Variants in PPFIBP1 observed in about 807,000 individuals in gnomAD.
The protein encoded by PPFIBP1 is PPFIB scaffold protein 1, also known as liprin-beta-1.
A neutral mutation model predicts 137.8 loss-of-function variants in PPFIBP1; 112 were observed. The ratio of observed to expected loss-of-function variants is 0.81; its 90% CI spans 0.70 to 0.95. PPFIBP1 has a LOEUF of 0.95. Among genes scored for constraint, PPFIBP1 ranks in the 40% least tolerant of loss-of-function variants. The probability of loss-of-function intolerance (pLI) is 0.00; values close to 1 mark genes in which losing one functional copy is unlikely to be tolerated. For synonymous variants in PPFIBP1, 378 were observed against 417.3 expected, an observed-to-expected ratio of 0.91 and a Z score of 1.15; for missense variants, 1,083 against 1,196.6, an observed-to-expected ratio of 0.91 and a Z score of 1.40.
chr12:27,616,438 GGACCGTGGAGCA>G (rs749476750), intron 2 of PPFIBP1, among the ~76,000 whole-genome samples: 106 of 152,046 alleles, frequency 7.0e-4, no homozygotes, highest in Non-Finnish European at 1.4e-3. Context: ...AGATTGGAGG[GGACCGTGGAGCA>G]GACTGTGTGA....
chr12:27,606,716 A>G (rs2054564928), intron 2 of PPFIBP1, among the ~76,000 whole-genome samples: 1 of 152,236 alleles, frequency 6.6e-6, no homozygotes, highest in African/African-American at 2.4e-5. Flanking sequence ...ATTATCCCAC[A>G]ATATTCATAG....
At chr12:27,642,375 G>A (rs80070845) in intron 4 of PPFIBP1, among the ~76,000 whole-genome samples, 1 of 152,180 alleles carries the variant, frequency 6.6e-6, no homozygotes, top group South Asian at 2.1e-4. Flanking sequence ...AAGTGATTTA[G>A]GCTTCTCTAA....
At chr12:27,689,352 T>C (rs1385235749) in intron 27 of PPFIBP1, 149 bp downstream of exon 27, 25 of 646,948 alleles carry the variant, frequency 3.9e-5, no homozygotes, top group Non-Finnish European at 3.4e-5. Flanking sequence ...CTTAGTTGTC[T>C]TGGGAGAAAG....
intron 1 of PPFIBP1, among the ~76,000 whole-genome samples, chr12:27,561,998 C>T (rs928067545): frequency 1.3e-4 from 20 of 152,004 alleles, no homozygotes; most frequent in Non-Finnish European, 1.3e-4. Context: ...TGCAGTGAGC[C>T]GTGATTGCCA....
At chr12:27,692,706 A>G (rs1186812467) in intron 29 of PPFIBP1, 50 bp downstream of exon 29, 1 of 1,613,884 alleles carries the variant, frequency 6.2e-7, no homozygotes, top group Non-Finnish European at 8.5e-7. Flanking sequence ...TGTCTTTTAT[A>G]ACAACCCCAA....
At chr12:27,682,824 G>A (rs534074570) in intron 24 of PPFIBP1, 121 bp downstream of exon 24, 4 of 1,492,164 alleles carry the variant, frequency 2.7e-6, no homozygotes, top group Non-Finnish European at 1.8e-6. Flanking sequence ...GCTGTTGCTT[G>A]AACTTGAGGA....
chr12:27,581,263 C>G (rs1270369042), intron 2 of PPFIBP1, among the ~76,000 whole-genome samples: 1 of 152,174 alleles, frequency 6.6e-6, no homozygotes, highest in Admixed American at 6.5e-5. Context: ...AGAGTGTAAG[C>G]AACACCCTAG....
intron 2 of PPFIBP1, among the ~76,000 whole-genome samples, chr12:27,601,443 G>C (rs946115983): frequency 4.6e-5 from 7 of 152,146 alleles, no homozygotes; most frequent in Admixed American, 2.0e-4. Context: ...TAAAGTGGGG[G>C]GCAGGTGGTG....
At chr12:27,660,669 C>A (rs888000130) in intron 10 of PPFIBP1, among the ~76,000 whole-genome samples, 1 of 152,186 alleles carries the variant, frequency 6.6e-6, no homozygotes, top group African/African-American at 2.4e-5. Flanking sequence ...TGTTTTCTTT[C>A]TAGAGTGGCA....
chr12:27,676,315 A>G (rs2060507821), intron 17 of PPFIBP1, 113 bp from the exon 18 acceptor site: 1 of 797,344 alleles, frequency 1.3e-6, no homozygotes, highest in African/African-American at 1.8e-5. Context: ...TAGTTCAGTT[A>G]TTCTTTTGAA....
chr12:27,616,183 T>C (rs1185942449), intron 2 of PPFIBP1, among the ~76,000 whole-genome samples: 1 of 152,038 alleles, frequency 6.6e-6, no homozygotes, highest in Non-Finnish European at 1.5e-5. Context: ...GCATAATACA[T>C]AGGGCATGAG....
At chr12:27,677,531 C>T (rs2060599160) in intron 19 of PPFIBP1, 1 of 176,794 alleles carries the variant, frequency 5.7e-6, no homozygotes, top group Non-Finnish European at 1.2e-5. Flanking sequence ...TTATAGAAGA[C>T]ATTGAATATT....
At position 27,524,269 on chromosome 12, in the gene PPFIBP1, C is replaced by A. The variant is rs1310711017; in HGVS notation, c.-220C>A. The A allele has an allele frequency of 6.5e-6, 1 of 153,744 alleles. No individual in the cohort carries two copies. The highest frequency in any genetic ancestry group is 6.5e-5 in the Admixed American group (1 of 15,300). The allele number at this position is 153,744 out of a possible 1,614,324, so 9.5% of individuals were successfully genotyped here. ...AGGACGGGGAAGGACTCGTGTGCTG[C>A]GAGCTGGCGGCCGGGCCGGAGTGCT... On this transcript the variant is annotated 5_prime_UTR_variant, in exon 1 of 30. Coordinates refer to ENST00000228425, the MANE Select transcript of PPFIBP1 (RefSeq NM_003622.4).
At chr12:27,529,451 T>C (rs1944155199) in intron 1 of PPFIBP1, among the ~76,000 whole-genome samples, 4 of 152,140 alleles carry the variant, frequency 2.6e-5, no homozygotes, top group African/African-American at 9.7e-5. Flanking sequence ...CCCAGCACTT[T>C]GGGAGGCTGA....
chr12:27,692,556 A>C, intron 28 of PPFIBP1, 35 bp from the exon 29 acceptor site: 1 of 1,602,092 alleles, frequency 6.2e-7, no homozygotes, highest in Non-Finnish European at 8.5e-7. Flanking sequence ...AAATTGTGAA[A>C]ACACTTATGT....
intron 27 of PPFIBP1, among the ~76,000 whole-genome samples, chr12:27,690,665 G>A (rs2061480801): frequency 6.6e-6 from 1 of 152,198 alleles, no homozygotes; most frequent in Non-Finnish European, 1.5e-5. Flanking sequence ...CCATGTATTG[G>A]CAATGCAGAC....
chr12:27,627,203 T>C (rs537022367), intron 2 of PPFIBP1, among the ~76,000 whole-genome samples: 1 of 152,354 alleles, frequency 6.6e-6, no homozygotes, highest in East Asian at 1.9e-4. Context: ...GTCTCTGTTT[T>C]TAAGATAGTT....
At chr12:27,656,485 G>A in intron 8 of PPFIBP1, 131 bp from the exon 9 acceptor site, 4 of 649,090 alleles carry the variant, frequency 6.2e-6, no homozygotes, top group Non-Finnish European at 1.1e-5. Context: ...GATTTCTGAT[G>A]CTTGCATCTA....
intron 1 of PPFIBP1, among the ~76,000 whole-genome samples, chr12:27,529,421 C>T (rs914658915): frequency 1.3e-5 from 2 of 152,050 alleles, no homozygotes; most frequent in East Asian, 1.9e-4. Flanking sequence ...AGGCTGGACG[C>T]GATGGCTCAT....
Sources: gnomAD v4.1 joint callset for allele counts (sites outside exome capture counted in the v4.1 genomes callset) on GRCh38, gnomAD v4.1.1 for gene constraint, MANE v1.5 for transcripts, NCBI Gene and HGNC (gene_info 2026-07-23, HGNC 2026-07-21) for gene names.